The following NXPH1 variants were observed in gnomAD, a reference collection of about 807,000 sequenced individuals.
The protein encoded by NXPH1 is neurexophilin 1.
NXPH1 carries 5 observed loss-of-function variants against 23.7 expected under a neutral mutation model. That is an observed-to-expected ratio of 0.21 (90% CI 0.11 to 0.44). The LOEUF is 0.44. Ranked by LOEUF, NXPH1 falls within the 20% of genes least tolerant of loss-of-function variation. The pLI is 0.99. For missense variants in NXPH1, 324 were observed against 321.6 expected (o/e 1.01, Z -0.06); for synonymous variants, 144 against 122.2 (o/e 1.18, Z -1.18).
intron 2 of NXPH1, among the ~76,000 whole-genome samples, chr7:8,726,255 A>G (rs1198968028): frequency 6.6e-6 from 1 of 151,066 alleles, no homozygotes; most frequent in Non-Finnish European, 1.5e-5. Context: ...AGGTAAGTCA[A>G]TCCTTCCTCG....
chr7:8,706,290 T>G (rs1196592869), intron 2 of NXPH1, among the ~76,000 whole-genome samples: 2 of 152,178 alleles, frequency 1.3e-5, no homozygotes, highest in African/African-American at 4.8e-5. Context: ...GTGCAACAAT[T>G]TATCATGTGT....
At chr7:8,590,656 C>A (rs1819074840) in intron 2 of NXPH1, among the ~76,000 whole-genome samples, 1 of 152,014 alleles carries the variant, frequency 6.6e-6, no homozygotes, top group Admixed American at 6.6e-5. Context: ...AATATTAATT[C>A]TTTGGCTTGG....
chr7:8,745,092 A>G (rs573489498), intron 2 of NXPH1, among the ~76,000 whole-genome samples: 4 of 152,308 alleles, frequency 2.6e-5, no homozygotes, highest in African/African-American at 9.6e-5. Flanking sequence ...CACCTTTACG[A>G]TTTGGCCGTA....
intron 2 of NXPH1, among the ~76,000 whole-genome samples, chr7:8,508,795 C>G (rs1465714484): frequency 2.0e-5 from 3 of 152,054 alleles, no homozygotes; most frequent in African/African-American, 7.2e-5. Context: ...GATCTGAAGT[C>G]TTTTCATTGG....
intron 2 of NXPH1, among the ~76,000 whole-genome samples, chr7:8,721,836 A>C (rs1267143627): frequency 6.6e-6 from 1 of 152,224 alleles, no homozygotes; most frequent in Admixed American, 6.5e-5. Context: ...CATAAATCTC[A>C]TACCTTCCTT....
intron 2 of NXPH1, among the ~76,000 whole-genome samples, chr7:8,488,283 C>T (rs1367347486): frequency 1.3e-5 from 2 of 148,970 alleles, no homozygotes; most frequent in Non-Finnish European, 2.9e-5. Context: ...CATACTACAT[C>T]TTACATACAC....
chr7:8,639,463 GA>G (rs79714855), intron 2 of NXPH1, among the ~76,000 whole-genome samples: 7,483 of 147,632 alleles, frequency 0.051, 395 homozygotes, highest in East Asian at 0.18. Context: ...CGGTGTAAAA[GA>G]AAAAAAAAAG....
At chr7:8,619,954 G>A (rs948050092) in intron 2 of NXPH1, among the ~76,000 whole-genome samples, 1 of 152,126 alleles carries the variant, frequency 6.6e-6, no homozygotes, top group Non-Finnish European at 1.5e-5. Flanking sequence ...ACTTAAGGCT[G>A]TTAACCAAGT....
chr7:8,639,494 T>C (rs928223680), intron 2 of NXPH1, among the ~76,000 whole-genome samples: 1 of 152,222 alleles, frequency 6.6e-6, no homozygotes, highest in African/African-American at 2.4e-5. Context: ...CTATATACTT[T>C]CAAATTTTTG....
intron 2 of NXPH1, among the ~76,000 whole-genome samples, chr7:8,582,014 G>C (rs935122554): frequency 2.0e-5 from 3 of 152,154 alleles, no homozygotes; most frequent in African/African-American, 7.2e-5. Context: ...GCAAGTGCTG[G>C]GTCTGGCGTC....
At chr7:8,653,508 C>A (rs577315933) in intron 2 of NXPH1, among the ~76,000 whole-genome samples, 2 of 152,208 alleles carry the variant, frequency 1.3e-5, no homozygotes, top group African/African-American at 2.4e-5. Flanking sequence ...GACTTTAAAC[C>A]CTTTTGTATA....
At chr7:8,463,084 G>A (rs1816722068) in intron 2 of NXPH1, among the ~76,000 whole-genome samples, 1 of 152,146 alleles carries the variant, frequency 6.6e-6, no homozygotes, top group Non-Finnish European at 1.5e-5. Flanking sequence ...GGAATTTACT[G>A]ACAAATATAA....
chr7:8,461,388 A>G (rs1816691629), intron 2 of NXPH1, among the ~76,000 whole-genome samples: 1 of 152,234 alleles, frequency 6.6e-6, no homozygotes, highest in African/African-American at 2.4e-5. Flanking sequence ...AGAGAAATAG[A>G]AAACATAAAA....
At position 8,613,994 on chromosome 7, in the gene NXPH1, G is replaced by A. The variant is rs115029840; in HGVS notation, c.55-137014G>A. Among the ~76,000 whole-genome samples, 347 of 151,748 alleles carry A rather than the reference G, an allele frequency of 2.3e-3. 5 individuals are homozygous for A. The highest frequency in any genetic ancestry group is 7.9e-3 in the African/African-American group (327 of 41,458). The stretch of plus-strand genomic sequence containing the variant: ...TTAATAACTGTTCTTATGGTTTTGT[G>A]TCTGTCCATAATGTTTTTATAAAAG... On this transcript the variant is annotated intron_variant, in intron 2 of 2. Coordinates refer to ENST00000405863, the MANE Select transcript of NXPH1 (RefSeq NM_152745.3).
chr7:8,655,439 TCTCTCTC>T (rs1820561864), intron 2 of NXPH1, among the ~76,000 whole-genome samples: 1 of 68,668 alleles, frequency 1.5e-5, no homozygotes, highest in Non-Finnish European at 3.0e-5. Context: ...TCTCTCTCTC[TCTCTCTC>T]TCTATACACA....
intron 2 of NXPH1, among the ~76,000 whole-genome samples, chr7:8,543,604 T>A (rs954281522): frequency 2.0e-5 from 3 of 151,682 alleles, no homozygotes; most frequent in African/African-American, 4.8e-5. Flanking sequence ...ATGTGATGAT[T>A]TGCAAATCAC....
At chr7:8,457,775 A>G (rs913630581) in intron 2 of NXPH1, among the ~76,000 whole-genome samples, 1 of 152,054 alleles carries the variant, frequency 6.6e-6, no homozygotes, top group South Asian at 2.1e-4. Context: ...AGTGGAGGCT[A>G]TGTGTGTATA....
At chr7:8,687,547 G>T (rs1282381884) in intron 2 of NXPH1, among the ~76,000 whole-genome samples, 1 of 152,040 alleles carries the variant, frequency 6.6e-6, no homozygotes, top group Non-Finnish European at 1.5e-5. Flanking sequence ...TATGTCTCTG[G>T]ACATTTTTGT....
intron 2 of NXPH1, among the ~76,000 whole-genome samples, chr7:8,570,751 TGGAG>T (rs1818627845): frequency 6.6e-6 from 1 of 151,570 alleles, no homozygotes; most frequent in African/African-American, 2.4e-5. Context: ...CAGAGAGAAG[TGGAG>T]TAGGGTTAGA....
Sources: gnomAD v4.1 joint callset for allele counts (sites outside exome capture counted in the v4.1 genomes callset) on GRCh38, gnomAD v4.1.1 for gene constraint, MANE v1.5 for transcripts, NCBI Gene and HGNC (gene_info 2026-07-23, HGNC 2026-07-21) for gene names.